Variants in DLG5 observed in about 807,000 individuals in gnomAD.
The protein encoded by DLG5 is disks large homolog 5.
DLG5 carries 48 observed loss-of-function variants against 189.8 expected under a neutral mutation model. The ratio of observed to expected loss-of-function variants is 0.25; its 90% CI spans 0.20 to 0.32. The LOEUF is 0.32. Among genes scored for constraint, DLG5 ranks in the 10% least tolerant of loss-of-function variants. DLG5 has a pLI of 1.00. For synonymous variants in DLG5, 1,016 were observed against 1,054.1 expected, an observed-to-expected ratio of 0.96 and a Z score of 0.70; for missense variants, 2,160 against 2,544.7, an observed-to-expected ratio of 0.85 and a Z score of 3.25.
At chr10:77,893,460 G>A (rs934954105) in intron 1 of DLG5, among the ~76,000 whole-genome samples, 9 of 152,242 alleles carry the variant, frequency 5.9e-5, no homozygotes, top group Non-Finnish European at 1.3e-4. Flanking sequence ...GTCGAGAGAG[G>A]CCATCGATAG....
chr10:77,936,394 C>T, the DLG5 span, among the ~76,000 whole-genome samples: 15 of 148,126 alleles, frequency 1.0e-4, no homozygotes, highest in Admixed American at 3.4e-4. Context: ...GCCGAGATCA[C>T]GCCACAGCAC....
At chr10:77,840,718 A>T (rs541304987) in intron 7 of DLG5, among the ~76,000 whole-genome samples, 2 of 151,538 alleles carry the variant, frequency 1.3e-5, no homozygotes, top group Non-Finnish European at 2.9e-5. Context: ...TCAGTCTCAT[A>T]AAAAAAAAGA....
chr10:77,913,016 T>G (rs889098506), intron 1 of DLG5, among the ~76,000 whole-genome samples: 1 of 152,182 alleles, frequency 6.6e-6, no homozygotes, highest in African/African-American at 2.4e-5. Context: ...AGTGCCTCTC[T>G]CGTCTAATTT....
rs150576653 is a variant in DLG5, at chr10:77,913,633, G to A, written c.304+12584C>T. On this transcript the variant is annotated intron_variant, in intron 1 of 31. Coordinates refer to ENST00000372391, the MANE Select transcript of DLG5 (RefSeq NM_004747.4). ...AGCTGGGGTCTGGCTCTGTCTCCCAGGCTGGAGTGCAGTGGTACACTCAGA... is the reference window on the plus strand; with the variant it reads ...AGCTGGGGTCTGGCTCTGTCTCCCAAGCTGGAGTGCAGTGGTACACTCAGA... 5.8e-3 allele frequency among the ~76,000 whole-genome samples: 877 copies of A among 152,236 alleles called. 4 individuals are homozygous for A. Among genetic ancestry groups the A allele is most frequent in the Non-Finnish European group, 9.4e-3 (641 of 68,014 alleles).
intron 29 of DLG5, 92 bp downstream of exon 29, chr10:77,795,969 G>A (rs914129212): frequency 5.1e-6 from 8 of 1,579,938 alleles, no homozygotes; most frequent in African/African-American, 1.3e-5. Context: ...GGTCTGAGCC[G>A]CTGGGGCAGA....
intron 1 of DLG5, among the ~76,000 whole-genome samples, chr10:77,910,004 T>C (rs1051662554): frequency 2.6e-5 from 4 of 152,166 alleles, no homozygotes; most frequent in Non-Finnish European, 4.4e-5. Flanking sequence ...CACCCAGAGT[T>C]TCTGCTGTGT....
At chr10:77,824,842 T>C (rs551922390) in intron 13 of DLG5, 5 of 200,344 alleles carry the variant, frequency 2.5e-5, no homozygotes, top group African/African-American at 9.3e-5. Flanking sequence ...GATAAATACA[T>C]GCATGTGGCT....
intron 1 of DLG5, among the ~76,000 whole-genome samples, chr10:77,877,705 G>T (rs1490374358): frequency 1.3e-5 from 2 of 152,162 alleles, no homozygotes; most frequent in Non-Finnish European, 2.9e-5. Context: ...AGACAGTTCT[G>T]CACCTAAAAG....
At chr10:77,899,218 TG>T (rs963907257) in intron 1 of DLG5, among the ~76,000 whole-genome samples, 4 of 152,174 alleles carry the variant, frequency 2.6e-5, no homozygotes, top group African/African-American at 7.2e-5. Context: ...CCTCCCAGAC[TG>T]GGGGAGCTCA....
intron 27 of DLG5, among the ~76,000 whole-genome samples, chr10:77,800,541 GGCTGAGAA>G (rs1242625730): frequency 6.6e-6 from 1 of 151,996 alleles, no homozygotes; most frequent in Non-Finnish European, 1.5e-5. Flanking sequence ...GCCGCTGAGG[GGCTGAGAA>G]CCCAGGCACG....
intron 1 of DLG5, among the ~76,000 whole-genome samples, chr10:77,909,641 A>G (rs1321619534): frequency 1.3e-5 from 2 of 152,104 alleles, no homozygotes; most frequent in African/African-American, 4.8e-5. Context: ...ATGCAACAAG[A>G]TACAGAAAGG....
chr10:77,870,460 A>C (rs963222471), intron 1 of DLG5, among the ~76,000 whole-genome samples: 1 of 152,184 alleles, frequency 6.6e-6, no homozygotes, highest in African/African-American at 2.4e-5. Flanking sequence ...AGGTGGGCAG[A>C]TTGCTTCAGC....
chr10:77,834,000 C>T lies in DLG5; in HGVS notation c.1662G>A (p.Ala554=), dbSNP rs150912032. Residue 554 remains alanine, a synonymous_variant, in exon 9 of 32, where the codon GCG becomes GCA. Transcript: ENST00000372391. The part of the protein sequence containing the change: ...CDNLRRERDR[A]VSELAEALRS... ...GCAGGGCCTCAGCCAGCTCGCTCAC[C>T]GCACGGTCCCGCTCCCGCCTCAGGT... The T allele has an allele frequency of 1.9e-5, 31 of 1,609,088 alleles. No homozygotes were observed. The highest frequency in any genetic ancestry group is 3.3e-4 in the Middle Eastern group (2 of 6,060).
intron 5 of DLG5, among the ~76,000 whole-genome samples, chr10:77,848,611 AT>A (rs1319921240): frequency 1.3e-5 from 2 of 152,224 alleles, no homozygotes; most frequent in Non-Finnish European, 2.9e-5. Flanking sequence ...TCCACACAGA[AT>A]TCGATTAACA....
At chr10:77,889,426 C>G (rs1480161293) in intron 1 of DLG5, 1 of 152,608 alleles carries the variant, frequency 6.6e-6, no homozygotes, top group Non-Finnish European at 1.5e-5. Flanking sequence ...ATCCAGCCCT[C>G]ACCCGTGCTG....
At position 77,824,730 on chromosome 10, in the gene DLG5, G is replaced by A. The variant is rs777712809; in HGVS notation, c.2290-254C>T. 49 of 430,144 alleles carry A rather than the reference G, an allele frequency of 1.1e-4. No individual in the cohort carries two copies. In the East Asian group the frequency reaches 1.8e-3, roughly 16 times the overall value. The allele number at this position is 430,144 out of a possible 1,614,324, so 26.6% of individuals were successfully genotyped here. ...CATGTCCTTCTGGGATCAGAACACC[G>A]AGGACCCGGAGGGAACATCTTGGCA... On this transcript the variant is annotated intron_variant, in intron 13 of 31. Transcript: ENST00000372391.
intron 1 of DLG5, among the ~76,000 whole-genome samples, chr10:77,880,630 C>T (rs1430684135): frequency 3.3e-5 from 5 of 152,100 alleles, no homozygotes; most frequent in Non-Finnish European, 5.9e-5. Flanking sequence ...TGAACTTCCC[C>T]AGTTATCAAG....
chr10:77,891,756 A>C (rs1014910718), intron 1 of DLG5, among the ~76,000 whole-genome samples: 4 of 152,170 alleles, frequency 2.6e-5, no homozygotes, highest in African/African-American at 9.7e-5. Context: ...ACTTCATCTC[A>C]AACACTTTCT....
At chr10:77,917,424 G>A (rs1846394307) in intron 1 of DLG5, among the ~76,000 whole-genome samples, 1 of 151,936 alleles carries the variant, frequency 6.6e-6, no homozygotes, top group South Asian at 2.1e-4. Flanking sequence ...GCTGAGGTGG[G>A]AGGATCAATT....
Sources: allele counts gnomAD v4.1 joint callset (sites outside exome capture counted in the v4.1 genomes callset), GRCh38; gene constraint gnomAD v4.1.1; transcripts MANE v1.5; gene names NCBI Gene and HGNC (gene_info 2026-07-23, HGNC 2026-07-21).